The following GABBR2 variants were observed in gnomAD, a reference collection of about 807,000 sequenced individuals.
The protein encoded by GABBR2 is G-protein coupled receptor 51.
A neutral mutation model predicts 105.6 loss-of-function variants in GABBR2; 23 were observed. That is an observed-to-expected ratio of 0.22 (90% confidence interval 0.16 to 0.31). GABBR2 has a LOEUF of 0.31. Among genes scored for constraint, GABBR2 ranks in the 10% least tolerant of loss-of-function variants. GABBR2 has a pLI of 1.00. For synonymous variants in GABBR2, 478 were observed against 499.7 expected (o/e 0.96, Z 0.58); for missense variants, 734 against 1,245.5 (o/e 0.59, Z 6.18).
At chr9:98,409,594 A>AT (rs1832549430) in intron 7 of GABBR2, among the ~76,000 whole-genome samples, 1 of 152,160 alleles carries the variant, frequency 6.6e-6, no homozygotes, top group African/African-American at 2.4e-5. Context: ...AGCGGCTAGC[A>AT]TCTGGCTCCT....
intron 2 of GABBR2, among the ~76,000 whole-genome samples, chr9:98,556,995 G>C (rs1347292867): frequency 6.6e-6 from 1 of 152,176 alleles, no homozygotes; most frequent in African/African-American, 2.4e-5. Context: ...AGTGAGCCGT[G>C]ATAGTGCCAC....
chr9:98,342,651 G>T (rs1831233666), intron 13 of GABBR2, among the ~76,000 whole-genome samples: 1 of 152,154 alleles, frequency 6.6e-6, no homozygotes, highest in Non-Finnish European at 1.5e-5. Flanking sequence ...GCCATCCAGG[G>T]CACCATGGAT....
chr9:98,371,178 C>A (rs1441718516), intron 12 of GABBR2, among the ~76,000 whole-genome samples: 1 of 152,182 alleles, frequency 6.6e-6, no homozygotes, highest in East Asian at 1.9e-4. Flanking sequence ...AACTCCCACT[C>A]ACCCTCCAGG....
intron 2 of GABBR2, among the ~76,000 whole-genome samples, chr9:98,568,333 A>G (rs980056255): frequency 7.9e-5 from 12 of 152,192 alleles, no homozygotes; most frequent in Admixed American, 2.0e-4. Context: ...CAATGATGAC[A>G]CTGTGGTGTA....
At chr9:98,472,829 G>A (rs1343473596) in intron 6 of GABBR2, among the ~76,000 whole-genome samples, 8 of 152,230 alleles carry the variant, frequency 5.3e-5, no homozygotes, top group Admixed American at 3.9e-4. Flanking sequence ...AAAGGAGCAC[G>A]GGATGAACTT....
chr9:98,570,149 C>T (rs1456241496), intron 2 of GABBR2, among the ~76,000 whole-genome samples: 5 of 152,210 alleles, frequency 3.3e-5, no homozygotes, highest in African/African-American at 1.2e-4. Context: ...CCTCCACTCC[C>T]TCACATGAAC....
intron 7 of GABBR2, among the ~76,000 whole-genome samples, chr9:98,424,507 A>G (rs899549129): frequency 1.4e-4 from 22 of 152,148 alleles, no homozygotes; most frequent in African/African-American, 5.1e-4. Flanking sequence ...GAAGGAAATA[A>G]AGGGTATTCA....
At chr9:98,410,601 C>T (rs559208988) in intron 7 of GABBR2, among the ~76,000 whole-genome samples, 2 of 150,544 alleles carry the variant, frequency 1.3e-5, no homozygotes, top group African/African-American at 2.4e-5. Flanking sequence ...CTTCTGATTC[C>T]TGAACCGTTG....
intron 1 of GABBR2, among the ~76,000 whole-genome samples, chr9:98,694,401 T>C (rs537449588): frequency 1.3e-5 from 2 of 152,374 alleles, no homozygotes; most frequent in East Asian, 3.9e-4. Context: ...TGATTGGTTT[T>C]TGAAGACATT....
intron 2 of GABBR2, among the ~76,000 whole-genome samples, chr9:98,574,087 T>A (rs1204809941): frequency 3.9e-5 from 6 of 152,178 alleles, no homozygotes; most frequent in Non-Finnish European, 1.5e-5. Context: ...TTTTGAAGGA[T>A]GAGCAGGAGT....
At chr9:98,655,644 T>C (rs921543559) in intron 1 of GABBR2, among the ~76,000 whole-genome samples, 7 of 152,186 alleles carry the variant, frequency 4.6e-5, no homozygotes, top group Admixed American at 6.5e-5. Context: ...CACCATGGAA[T>C]ACTATGCAGC....
intron 13 of GABBR2, among the ~76,000 whole-genome samples, chr9:98,359,155 A>G (rs1831538332): frequency 6.6e-6 from 1 of 152,172 alleles, no homozygotes; most frequent in Non-Finnish European, 1.5e-5. Flanking sequence ...TGGCTGGGCG[A>G]GGTGGCTCAC....
chr9:98,535,449 G>A (rs1828156745), intron 3 of GABBR2, among the ~76,000 whole-genome samples: 1 of 150,612 alleles, frequency 6.6e-6, no homozygotes, highest in Admixed American at 6.6e-5. Context: ...TAACAACAGA[G>A]CAACAAAAAA....
intron 1 of GABBR2, among the ~76,000 whole-genome samples, chr9:98,627,393 G>C (rs1393903821): frequency 6.6e-6 from 1 of 152,186 alleles, no homozygotes; most frequent in Non-Finnish European, 1.5e-5. Flanking sequence ...TTCAAGGGTT[G>C]AGGCACTGTG....
At chr9:98,425,748 G>T (rs1825672367) in intron 7 of GABBR2, among the ~76,000 whole-genome samples, 2 of 152,156 alleles carry the variant, frequency 1.3e-5, no homozygotes, top group Non-Finnish European at 2.9e-5. Flanking sequence ...GGCAGAGCTG[G>T]GATCCGAGCT....
rs1828421895 is a variant in GABBR2, at chr9:98,547,463, G to A, written c.460-5420C>T. ...TCCTATATATTCTTGTCTCTCCTCTGGGCCACAGGATTATCTGTATGTTGT... is the reference window on the plus strand; with the variant it reads ...TCCTATATATTCTTGTCTCTCCTCTAGGCCACAGGATTATCTGTATGTTGT... On this transcript the variant is annotated intron_variant, in intron 2 of 18. Coordinates refer to ENST00000259455, the MANE Select transcript of GABBR2 (RefSeq NM_005458.8). Among the ~76,000 whole-genome samples the A allele has an allele frequency of 1.7e-5, 2 of 116,410 alleles. 1 individual carries two copies. 76.4% of individuals were successfully genotyped at this position (116,410 alleles called of 152,430 possible).
chr9:98,368,291 T>A (rs1831716591), intron 12 of GABBR2, among the ~76,000 whole-genome samples: 3 of 146,838 alleles, frequency 2.0e-5, no homozygotes, highest in African/African-American at 2.5e-5. Flanking sequence ...AGAAAAAAAG[T>A]TTTAAAAAGT....
intron 1 of GABBR2, among the ~76,000 whole-genome samples, chr9:98,588,409 T>C (rs1024674695): frequency 6.6e-6 from 1 of 152,204 alleles, no homozygotes; most frequent in African/African-American, 2.4e-5. Context: ...TTTACTGAAG[T>C]GTTAAATTTA....
intron 13 of GABBR2, among the ~76,000 whole-genome samples, chr9:98,342,105 A>G (rs576210016): frequency 1.3e-5 from 2 of 152,248 alleles, no homozygotes; most frequent in East Asian, 3.9e-4. Flanking sequence ...TGTGACCAGA[A>G]TGAGGGTGAA....
Sources: allele counts gnomAD v4.1 joint callset (sites outside exome capture counted in the v4.1 genomes callset), GRCh38; gene constraint gnomAD v4.1.1; transcripts MANE v1.5; gene names NCBI Gene and HGNC (gene_info 2026-07-23, HGNC 2026-07-21).